UGT2B4: variants seen among roughly 807,000 people sequenced by gnomAD.
The protein encoded by UGT2B4 is UDP-glucuronosyltransferase 2B4.
A neutral mutation model predicts 49.8 loss-of-function variants in UGT2B4; 49 were observed. The ratio of observed to expected loss-of-function variants is 0.98; its 90% CI spans 0.78 to 1.25. The LOEUF (loss-of-function observed/expected upper bound fraction) is 1.25, where lower values mean the gene tolerates loss of function less well. Among genes scored for constraint, UGT2B4 ranks in the 50% most tolerant of loss-of-function variants. UGT2B4 has a pLI of 0.00. For synonymous variants in UGT2B4, 246 were observed against 217.7 expected (o/e 1.13, Z -1.14); for missense variants, 729 against 627.7 (o/e 1.16, Z -1.73).
chr4:69,514,115 G>T (rs1475264726), intron 1 of UGT2B4, among the ~76,000 whole-genome samples: 8 of 151,624 alleles, frequency 5.3e-5, no homozygotes, highest in Non-Finnish European at 1.2e-4. Flanking sequence ...TATACTTTAA[G>T]TTCTAGGGTA....
In UGT2B4 at chr4:69,480,568, C is replaced by T; in HGVS notation, c.*66G>A. 6.5e-7 allele frequency: 1 copy of T among 1,547,474 alleles called. No individual in the cohort carries two copies. The highest frequency in any genetic ancestry group is 1.3e-5 in the South Asian group (1 of 78,936). ...AAAGGAATCTCTTGTATCACAACGT[C>T]TTCTTGTTGTAATAAACTAAAGGAG... On this transcript the variant is annotated 3_prime_UTR_variant, in exon 6 of 6. Coordinates refer to ENST00000305107, the MANE Select transcript of UGT2B4 (RefSeq NM_021139.3).
chr4:69,485,161 G>A (rs1241685929), intron 5 of UGT2B4, 47 bp downstream of exon 5: 2 of 1,597,098 alleles, frequency 1.3e-6, no homozygotes, highest in African/African-American at 2.7e-5. Flanking sequence ...TATTCACAAG[G>A]GAACCTATCT....
chr4:69,492,396 G>T (rs748606977), intron 2 of UGT2B4, among the ~76,000 whole-genome samples: 8 of 151,990 alleles, frequency 5.3e-5, no homozygotes, highest in African/African-American at 1.7e-4. Flanking sequence ...CATTTATATC[G>T]GTAAGGGATT....
intron 2 of UGT2B4, 131 bp downstream of exon 2, chr4:69,493,562 G>T: frequency 8.9e-7 from 1 of 1,124,984 alleles, no homozygotes; most frequent in Non-Finnish European, 1.2e-6. Flanking sequence ...ATGTACGTCA[G>T]TTTCTAATTG....
In UGT2B4 at chr4:69,489,428, T is replaced by C; in HGVS notation, c.1002+11A>G. 1.9e-6 allele frequency: 3 copies of C among 1,608,714 alleles called. No homozygotes were observed. The highest frequency in any genetic ancestry group is 2.5e-6 in the Non-Finnish European group (3 of 1,176,634). ...AGTAGTTTTTTACACCATTAAAACATTTTATCTTACCTTTTGTGGGATCTT... is the reference window on the plus strand; with the variant it reads ...AGTAGTTTTTTACACCATTAAAACACTTTATCTTACCTTTTGTGGGATCTT... On this transcript the variant is annotated intron_variant, in intron 3 of 5. Coordinates refer to ENST00000305107, the MANE Select transcript of UGT2B4 (RefSeq NM_021139.3).
At chr4:69,481,091 G>GAGAAA (rs1727575294) in intron 5 of UGT2B4, among the ~76,000 whole-genome samples, 181 bp from the exon 6 acceptor site, 1 of 67,824 alleles carries the variant, frequency 1.5e-5, no homozygotes, top group Non-Finnish European at 2.6e-5. Flanking sequence ...GTAAAAATAT[G>GAGAAA]AAAAAAAAAA....
At chr4:69,481,749 A>G (rs1727597938) in intron 5 of UGT2B4, among the ~76,000 whole-genome samples, 1 of 152,194 alleles carries the variant, frequency 6.6e-6, no homozygotes, top group Admixed American at 6.5e-5. Context: ...TAAAAGATAT[A>G]CACCTTAAAA....
rs553656821 is a variant in UGT2B4 at position 69,489,943 on chromosome 4, A to G, written c.871-373T>C. Among the ~76,000 whole-genome samples the G allele has an allele frequency of 3.9e-5, 6 of 152,286 alleles. No homozygotes were observed. In the South Asian group the frequency reaches 1.0e-3, roughly 26 times the overall value. ...TTAATGCTATATTGTTGCTCGCTAA[A>G]TCACATATGCTTATTTTAGGCAGGT... On this transcript the variant is annotated intron_variant, in intron 2 of 5. Transcript: ENST00000305107.
At chr4:69,489,663 T>A in intron 2 of UGT2B4, 93 bp from the exon 3 acceptor site, 1 of 1,488,510 alleles carries the variant, frequency 6.7e-7, no homozygotes, top group Non-Finnish European at 9.0e-7. Flanking sequence ...AAATCAAGTT[T>A]TATCAGGAAT....
At chr4:69,484,208 T>C (rs1727697804) in intron 5 of UGT2B4, among the ~76,000 whole-genome samples, 1 of 152,084 alleles carries the variant, frequency 6.6e-6, no homozygotes. Context: ...CTGGTGGTAA[T>C]GACAAATGGA....
intron 1 of UGT2B4, among the ~76,000 whole-genome samples, chr4:69,511,996 T>A (rs1400976207): frequency 6.6e-6 from 1 of 152,018 alleles, no homozygotes; most frequent in Non-Finnish European, 1.5e-5. Context: ...AGGCATTAGT[T>A]GCAATGCCTC....
chr4:69,484,452 G>A (rs1227304837), intron 5 of UGT2B4, among the ~76,000 whole-genome samples: 1 of 151,800 alleles, frequency 6.6e-6, no homozygotes, highest in East Asian at 1.9e-4. Flanking sequence ...AAAAATAAAT[G>A]AACTATTAAT....
chr4:69,484,927 A>T (rs10010875), intron 5 of UGT2B4, among the ~76,000 whole-genome samples: 1 of 152,112 alleles, frequency 6.6e-6, no homozygotes, highest in East Asian at 1.9e-4. Flanking sequence ...TCTACTGTGG[A>T]TTGATTACGT....
At chr4:69,500,606 G>GCAAGAAAGCAAGAAAGCAAGAAAGA (rs1553896493), upstream of UGT2B4, among the ~76,000 whole-genome samples, 23 of 99,596 alleles carry the variant, frequency 2.3e-4, 2 homozygotes, top group South Asian at 3.5e-4. Flanking sequence ...AGAAAGCAAG[G>GCAAGAAAGCAAGAAAGCAAGAAAGA]AAGAAAGAAA....
chr4:69,521,763 C>T (rs954971317), intron 1 of UGT2B4, among the ~76,000 whole-genome samples: 6 of 152,048 alleles, frequency 3.9e-5, no homozygotes, highest in East Asian at 1.9e-4. Flanking sequence ...AGCGATATCC[C>T]GAGGATCTCA....
At chr4:69,480,945 G>A in intron 5 of UGT2B4, 35 bp from the exon 6 acceptor site, 1 of 1,603,956 alleles carries the variant, frequency 6.2e-7, no homozygotes. Flanking sequence ...AACATTGAAA[G>A]TAAGTTAATT....
At chr4:69,498,844 T>A (rs909355691), upstream of UGT2B4, among the ~76,000 whole-genome samples, 2 of 152,144 alleles carry the variant, frequency 1.3e-5, no homozygotes, top group African/African-American at 4.8e-5. Context: ...TTTTGAATAG[T>A]TTTTCATGTT....
intron 1 of UGT2B4, among the ~76,000 whole-genome samples, chr4:69,515,711 A>G (rs543095295): frequency 6.6e-6 from 1 of 152,308 alleles, no homozygotes; most frequent in Non-Finnish European, 1.5e-5. Flanking sequence ...AAATTCAATG[A>G]ATCCAGGAGC....
At chr4:69,514,173 T>C (rs571333717) in intron 1 of UGT2B4, among the ~76,000 whole-genome samples, 4 of 152,236 alleles carry the variant, frequency 2.6e-5, no homozygotes, top group South Asian at 4.1e-4. Context: ...ATGTGCCATG[T>C]TGGTGTGCTG....
Sources: allele counts gnomAD v4.1 joint callset (sites outside exome capture counted in the v4.1 genomes callset), GRCh38; gene constraint gnomAD v4.1.1; transcripts MANE v1.5; gene names NCBI Gene and HGNC (gene_info 2026-07-23, HGNC 2026-07-21).